Variants in UNC5D observed in about 807,000 individuals in gnomAD.
UNC5D encodes unc-5 netrin receptor D.
In UNC5D, 39 loss-of-function variants were observed where a neutral mutation model predicts 105.4. The ratio of observed to expected loss-of-function variants is 0.37; its 90% confidence interval spans 0.29 to 0.48. The LOEUF is 0.48. Ranked by LOEUF, UNC5D falls within the 20% of genes least tolerant of loss-of-function variation. UNC5D has a pLI of 0.98. For synonymous variants in UNC5D, 452 were observed against 450.4 expected (o/e 1.00, Z -0.04); for missense variants, 991 against 1,202.4 (o/e 0.82, Z 2.60).
chr8:35,512,539 G>GTGTATATATATATATATA (rs1487398679), intron 1 of UNC5D, among the ~76,000 whole-genome samples: 2 of 40,272 alleles, frequency 5.0e-5, no homozygotes, highest in African/African-American at 2.7e-4. Context: ...AGATATGTAT[G>GTGTATATATATATATATA]TATATATATA....
At chr8:35,673,492 A>G (rs1390318684) in intron 4 of UNC5D, among the ~76,000 whole-genome samples, 2 of 152,228 alleles carry the variant, frequency 1.3e-5, no homozygotes, top group Non-Finnish European at 2.9e-5. Context: ...GAAAAAATAT[A>G]TATTTGAGGG....
At chr8:35,565,777 T>C (rs945120216) in intron 2 of UNC5D, among the ~76,000 whole-genome samples, 1 of 152,238 alleles carries the variant, frequency 6.6e-6, no homozygotes, top group African/African-American at 2.4e-5. Flanking sequence ...TTCATTCTTC[T>C]GCATTTGGTG....
intron 4 of UNC5D, among the ~76,000 whole-genome samples, chr8:35,600,896 T>C (rs367955773): frequency 2.0e-5 from 3 of 152,120 alleles, no homozygotes; most frequent in African/African-American, 7.2e-5. Context: ...CTGAATGGTA[T>C]TGCCTAGGTT....
chr8:35,624,812 A>G (rs937744956), intron 4 of UNC5D, among the ~76,000 whole-genome samples: 1 of 152,106 alleles, frequency 6.6e-6, no homozygotes, highest in Non-Finnish European at 1.5e-5. Flanking sequence ...TAAATTAACA[A>G]ATTGCTGTGC....
rs1234384162 is a variant in UNC5D at position 35,549,369 on chromosome 8, G to C, written c.181G>C (p.Asp61His). The C allele has an allele frequency of 1.2e-5, 19 of 1,613,488 alleles. No homozygotes were observed. Among genetic ancestry groups the C allele is most frequent in the Non-Finnish European group, 1.5e-5 (18 of 1,180,038 alleles). ...GTLPHFIEEPDDAYIIKSNPI... is the reference protein window; with the variant it reads ...GTLPHFIEEPHDAYIIKSNPI... ...ACTGCCTCATTTCATAGAGGAGCCA[G>C]ATGATGCTTATATTATCAAGAGCAA... is the stretch of plus-strand genomic sequence containing the variant. The change falls in exon 2 of 17, where the codon GAT becomes CAT. Residue 61 changes from aspartate to histidine, a missense_variant. By Grantham distance (81) the Asp-to-His change is moderately conservative. Coordinates refer to ENST00000404895, the MANE Select transcript of UNC5D (RefSeq NM_080872.4).
chr8:35,465,798 TC>T (rs1446045882), intron 1 of UNC5D, among the ~76,000 whole-genome samples: 1 of 152,010 alleles, frequency 6.6e-6, no homozygotes, highest in Non-Finnish European at 1.5e-5. Flanking sequence ...CCCAGTGCAA[TC>T]CCAGGGGTCC....
At chr8:35,506,220 G>A (rs553794248) in intron 1 of UNC5D, among the ~76,000 whole-genome samples, 109 of 152,282 alleles carry the variant, frequency 7.2e-4, no homozygotes, top group South Asian at 1.9e-3. Context: ...CACTCATGGA[G>A]GCAAGATAGC....
intron 11 of UNC5D, among the ~76,000 whole-genome samples, chr8:35,746,763 A>C (rs978462856): frequency 6.6e-6 from 1 of 152,198 alleles, no homozygotes; most frequent in Admixed American, 6.5e-5. Context: ...AAAGCAATTA[A>C]ATAGTTCTTT....
intron 1 of UNC5D, among the ~76,000 whole-genome samples, chr8:35,275,763 A>C (rs530010116): frequency 6.6e-6 from 1 of 152,358 alleles, no homozygotes; most frequent in Non-Finnish European, 1.5e-5. Flanking sequence ...TTGAAGTAAC[A>C]TATGTAAAGT....
At chr8:35,506,492 AC>A (rs2130300276) in intron 1 of UNC5D, among the ~76,000 whole-genome samples, 1 of 152,374 alleles carries the variant, frequency 6.6e-6, no homozygotes, top group South Asian at 2.1e-4. Flanking sequence ...AAATTCAGCA[AC>A]AGTAGTATTC....
intron 1 of UNC5D, among the ~76,000 whole-genome samples, chr8:35,533,888 C>A (rs1814622287): frequency 6.6e-6 from 1 of 152,190 alleles, no homozygotes; most frequent in Non-Finnish European, 1.5e-5. Context: ...TGAGGCAATG[C>A]CTCGCCATGC....
At chr8:35,776,203 C>T (rs932828419) in intron 16 of UNC5D, among the ~76,000 whole-genome samples, 2 of 152,232 alleles carry the variant, frequency 1.3e-5, no homozygotes, top group Admixed American at 6.5e-5. Context: ...GAGTCACTTA[C>T]TATCCCTGTG....
At chr8:35,659,003 T>C (rs1035460352) in intron 4 of UNC5D, among the ~76,000 whole-genome samples, 2 of 152,136 alleles carry the variant, frequency 1.3e-5, no homozygotes, top group Non-Finnish European at 2.9e-5. Flanking sequence ...ATGGAAGTCA[T>C]CATGATAGTC....
At chr8:35,383,863 C>T (rs536946183) in intron 1 of UNC5D, among the ~76,000 whole-genome samples, 1 of 152,246 alleles carries the variant, frequency 6.6e-6, no homozygotes, top group South Asian at 2.1e-4. Context: ...AGAATTGCTT[C>T]AGCCCCGGAA....
chr8:35,541,180 A>G (rs1815247777), intron 1 of UNC5D, among the ~76,000 whole-genome samples: 1 of 152,216 alleles, frequency 6.6e-6, no homozygotes, highest in African/African-American at 2.4e-5. Context: ...CACGTGGTCA[A>G]AGACGATTTA....
chr8:35,277,065 G>T (rs900040897), intron 1 of UNC5D, among the ~76,000 whole-genome samples: 12 of 152,174 alleles, frequency 7.9e-5, no homozygotes, highest in Non-Finnish European at 1.6e-4. Context: ...ATATAGCTTA[G>T]AAGTTATATA....
At chr8:35,766,788 T>A (rs1467839114) in intron 14 of UNC5D, 114 bp from the exon 15 acceptor site, 29 of 1,247,972 alleles carry the variant, frequency 2.3e-5, no homozygotes, top group Non-Finnish European at 8.6e-6. Context: ...GTGATTGTCC[T>A]CATCGTTGTT....
At chr8:35,295,938 G>C (rs2950906) in intron 1 of UNC5D, among the ~76,000 whole-genome samples, 124,667 of 152,052 alleles carry the variant, frequency 0.82, 51,572 homozygotes, top group East Asian at 1. Context: ...GTGTTTCCCT[G>C]TCAGGCTTAT....
chr8:35,429,645 C>T (rs1418328712), intron 1 of UNC5D, among the ~76,000 whole-genome samples: 1 of 152,068 alleles, frequency 6.6e-6, no homozygotes, highest in Non-Finnish European at 1.5e-5. Flanking sequence ...TTTTATCAAT[C>T]TTATAACAGT....
Sources: allele counts gnomAD v4.1 joint callset (sites outside exome capture counted in the v4.1 genomes callset), GRCh38; gene constraint gnomAD v4.1.1; transcripts MANE v1.5; gene names NCBI Gene and HGNC (gene_info 2026-07-23, HGNC 2026-07-21).